The following ASPSCR1 variants were observed in gnomAD, a reference collection of about 807,000 sequenced individuals.
The protein encoded by ASPSCR1 is tether containing UBX domain for GLUT4.
Under a neutral mutation model 68.9 loss-of-function variants are expected in ASPSCR1, and 55 were observed. That is an observed-to-expected ratio of 0.80 (90% confidence interval 0.64 to 1.00). ASPSCR1 has a LOEUF of 1.00. Ranked by LOEUF, ASPSCR1 falls within the 50% of genes least tolerant of loss-of-function variation. ASPSCR1 has a pLI of 0.00. For missense variants in ASPSCR1, 765 were observed against 762.2 expected (o/e 1.00, Z -0.04); for synonymous variants, 352 against 332.6 (o/e 1.06, Z -0.63).
chr17:82,010,548 A>C (rs1363372449), intron 9 of ASPSCR1, among the ~76,000 whole-genome samples: 1 of 120,426 alleles, frequency 8.3e-6, no homozygotes, highest in African/African-American at 4.2e-5. Flanking sequence ...AAAAAAAAAA[A>C]AAAACCAGCA....
At position 81,987,443 on chromosome 17, in the gene ASPSCR1, C is replaced by T. The variant is rs946643679; in HGVS notation, c.374+1836C>T. On this transcript the variant is annotated intron_variant, in intron 4 of 15. Coordinates refer to ENST00000306739, the MANE Select transcript of ASPSCR1 (RefSeq NM_024083.4). This position sits in a 1 kb window ranked among gnomAD's most constrained non-coding sequence, Gnocchi z 5.6. ...CGTCTGGAAGGAAATGCCCCTGGGC[C>T]GGGCGGTGCCCCCGGGCGTGAACAG... is the stretch of plus-strand genomic sequence containing the variant. Among the ~76,000 whole-genome samples the T allele has an allele frequency of 3.9e-5, 6 of 152,210 alleles. No individual in the cohort carries two copies. Among genetic ancestry groups the T allele is most frequent in the Admixed American group, 2.6e-4 (4 of 15,292 alleles).
intron 2 of ASPSCR1, among the ~76,000 whole-genome samples, chr17:81,981,890 T>G (rs2041806671): frequency 6.6e-6 from 1 of 152,232 alleles, no homozygotes; most frequent in Admixed American, 6.5e-5. Flanking sequence ...GGTCTCAAAC[T>G]CCTGACCTCA....
intron 2 of ASPSCR1, 139 bp downstream of exon 2, chr17:81,979,378 C>T (rs2041722032): frequency 3.3e-6 from 3 of 918,006 alleles, no homozygotes; most frequent in Non-Finnish European, 5.2e-6. Context: ...AGACCCAAGG[C>T]CTTGGCAGGG....
At chr17:82,010,401 C>T (rs1168371297) in intron 9 of ASPSCR1, among the ~76,000 whole-genome samples, 28 of 151,786 alleles carry the variant, frequency 1.8e-4, no homozygotes, top group Admixed American at 8.5e-4. Context: ...AGGTGGCGCA[C>T]GCCTGTAGTC....
chr17:81,985,973 C>CT (rs1326179308), intron 4 of ASPSCR1, among the ~76,000 whole-genome samples: 3 of 151,898 alleles, frequency 2.0e-5, no homozygotes, highest in African/African-American at 7.3e-5. Context: ...CATAAGGTCT[C>CT]TTTTTTTTAA....
chr17:81,980,149 A>G (rs756601470), intron 2 of ASPSCR1, among the ~76,000 whole-genome samples: 21 of 152,090 alleles, frequency 1.4e-4, no homozygotes, highest in Non-Finnish European at 3.1e-4. Flanking sequence ...CACCCAGCTA[A>G]TTTTTATATT....
Position 81,985,527 on chromosome 17 carries a change from G to A in ASPSCR1, c.294G>A (p.Leu98=). 6.2e-7 allele frequency: 1 copy of A among 1,614,078 alleles called. No homozygotes were observed. The highest frequency in any genetic ancestry group is 8.5e-7 in the Non-Finnish European group (1 of 1,180,020). Residue 98 remains leucine (L), a synonymous_variant, in exon 4 of 16, where the codon CTG becomes CTA. Coordinates refer to ENST00000306739, the MANE Select transcript of ASPSCR1 (RefSeq NM_024083.4). The stretch of plus-strand genomic sequence containing the variant: ...TCCAGGTTCGCATCGCTTTGCAGCT[G>A]GACGATGGCTCGAGGTTGCAGGACT... ...PENMVRIALQ[L]DDGSRLQDSF... is the part of the protein sequence containing the mutation.
chr17:82,016,757 A>T, intron 13 of ASPSCR1, 43 bp from the exon 14 acceptor site: 1 of 1,587,628 alleles, frequency 6.3e-7, no homozygotes, highest in Non-Finnish European at 8.5e-7. Context: ...TGGTGAGTGG[A>T]CCCCTCCTCA....
intron 3 of ASPSCR1, among the ~76,000 whole-genome samples, chr17:81,984,897 C>CCA (rs1231552842): frequency 5.1e-5 from 6 of 116,948 alleles, no homozygotes; most frequent in Non-Finnish European, 1.1e-4. Context: ...CCACACACAC[C>CCA]CACACACACC....
At position 82,015,093 on chromosome 17, in the gene ASPSCR1, G is replaced by T. The variant is rs751487139; in HGVS notation, c.1354-1383G>T. Reference sequence around the variant, plus strand: ...TTTCCAGCCCCAGCTTGGTGACCGGGTGGCTCCATTCACCCTGGGTCCCTC... The same window carrying T: ...TTTCCAGCCCCAGCTTGGTGACCGGTTGGCTCCATTCACCCTGGGTCCCTC... On this transcript the variant is annotated intron_variant, in intron 12 of 15. Coordinates refer to ENST00000306739, the MANE Select transcript of ASPSCR1 (RefSeq NM_024083.4). 6 of 1,598,050 alleles carry T rather than the reference G, an allele frequency of 3.8e-6. No individual in the cohort carries two copies. In the African/African-American group the frequency reaches 5.3e-5, roughly 14 times the overall value.
chr17:81,996,335 C>T lies in ASPSCR1; in HGVS notation c.507-85C>T, dbSNP rs578237926. On this transcript the variant is annotated intron_variant, in intron 6 of 15. Transcript: ENST00000306739. ...GGGGCGGGAGAGGGTGAGCCGGGGG[C>T]GGGAGAGGGTGAGCCTGGGCCGGGA... 2.5e-3 allele frequency: 3,620 copies of T among 1,472,500 alleles called. 6 individuals are homozygous for T. Among genetic ancestry groups the T allele is most frequent in the Non-Finnish European group, 2.9e-3 (3,253 of 1,111,360 alleles). The allele number at this position is 1,472,500 out of a possible 1,614,324, so 91.2% of individuals were successfully genotyped here.
intron 4 of ASPSCR1, among the ~76,000 whole-genome samples, chr17:81,991,603 C>G (rs1322287648): frequency 6.6e-6 from 1 of 152,198 alleles, no homozygotes; most frequent in Non-Finnish European, 1.5e-5. Flanking sequence ...CCATTCCTGT[C>G]CATCCCTGTC....
rs894971144 is a variant in ASPSCR1 at position 82,005,250 on chromosome 17, G to A, written c.934-3787G>A. ...CTGCTCAGTGGCAGGGTGGGGCGCC[G>A]GGGTGGCGGAAACATGAGGCCGCGT... On this transcript the variant is annotated intron_variant, in intron 7 of 15. Transcript: ENST00000306739. 6 of 152,198 alleles carry A rather than the reference G, an allele frequency of 3.9e-5. No individual in the cohort carries two copies. The East Asian group carries it at 5.8e-4, about 15-fold the overall frequency. The allele number at this position is 152,198 out of a possible 1,614,324, so 9.4% of individuals were successfully genotyped here.
At chr17:81,997,088 C>T (rs557699653) in intron 7 of ASPSCR1, among the ~76,000 whole-genome samples, 30 of 150,454 alleles carry the variant, frequency 2.0e-4, no homozygotes, top group Non-Finnish European at 3.7e-4. Flanking sequence ...GTGTCTGCTC[C>T]GGGATGAGGC....
intron 12 of ASPSCR1, chr17:82,015,877 G>A (rs2043108316): frequency 5.8e-6 from 1 of 172,414 alleles, no homozygotes; most frequent in Non-Finnish European, 1.3e-5. Context: ...TTTGATCCCA[G>A]GCGGCACAAT....
intron 7 of ASPSCR1, among the ~76,000 whole-genome samples, chr17:82,001,325 C>T (rs1363932677): frequency 1.3e-5 from 2 of 152,128 alleles, no homozygotes; most frequent in African/African-American, 4.8e-5. Context: ...CCCCCACATC[C>T]GACGCGGTGC....
At position 82,011,527 on chromosome 17, in the gene ASPSCR1, T is replaced by C; in HGVS notation, c.1238-16T>C. The stretch of plus-strand genomic sequence containing the variant: ...TGGTGGAAGAGCTGTCTGTATGTTC[T>C]TTTTCTCCTCTGCAGTGGGGGACTT... On this transcript the variant is annotated splice_polypyrimidine_tract_variant and intron_variant, in intron 10 of 15. Transcript: ENST00000306739. 6.3e-7 allele frequency: 1 copy of C among 1,575,392 alleles called. No individual in the cohort carries two copies.
chr17:82,014,221 C>T (rs1190162279), intron 12 of ASPSCR1: 1 of 152,398 alleles, frequency 6.6e-6, no homozygotes, highest in Non-Finnish European at 1.5e-5. Context: ...TGTCGTCCTT[C>T]CTTTCCACCC....
intron 12 of ASPSCR1, chr17:82,014,106 C>T (rs1213048828): frequency 2.0e-5 from 3 of 152,258 alleles, no homozygotes; most frequent in East Asian, 1.9e-4. Flanking sequence ...AGGACACAGG[C>T]CACCCTTGCT....
Sources: gnomAD v4.1 joint callset for allele counts (sites outside exome capture counted in the v4.1 genomes callset) on GRCh38, gnomAD v4.1.1 for gene constraint, Gnocchi (gnomAD v3.1) non-coding constraint, MANE v1.5 for transcripts, NCBI Gene and HGNC (gene_info 2026-07-23, HGNC 2026-07-21) for gene names.